Variants in GRAMD1B observed in about 807,000 individuals in gnomAD.
The protein encoded by GRAMD1B is GRAM domain containing 1B, also known as protein Aster-B.
A neutral mutation model predicts 99.7 loss-of-function variants in GRAMD1B; 37 were observed. The observed-to-expected ratio is 0.37, with a 90% confidence interval of 0.29 to 0.49. GRAMD1B has a LOEUF of 0.49. GRAMD1B is among the 20% of genes least tolerant of loss of function. The pLI is 0.98. For missense variants in GRAMD1B, 888 were observed against 1,009.2 expected, an observed-to-expected ratio of 0.88 and a Z score of 1.63; for synonymous variants, 427 against 387.6, an observed-to-expected ratio of 1.10 and a Z score of -1.19.
intron 2 of GRAMD1B, among the ~76,000 whole-genome samples, chr11:123,528,013 G>A (rs1942973187): frequency 1.3e-5 from 2 of 152,206 alleles, no homozygotes; most frequent in South Asian, 4.1e-4. Flanking sequence ...ATGGGAAAAT[G>A]TTGTCATTTA....
intron 1 of GRAMD1B, among the ~76,000 whole-genome samples, chr11:123,383,630 G>A (rs1426454294): frequency 1.3e-5 from 2 of 151,844 alleles, no homozygotes; most frequent in African/African-American, 2.4e-5. Context: ...TTTGCTTCAC[G>A]AATTCCTTCT....
intron 1 of GRAMD1B, among the ~76,000 whole-genome samples, chr11:123,416,182 T>C (rs190053042): frequency 6.6e-5 from 10 of 152,328 alleles, no homozygotes; most frequent in Admixed American, 5.9e-4. Flanking sequence ...TTACAGTACA[T>C]TGAATTAGCT....
chr11:123,586,410 A>G (rs912304650), intron 4 of GRAMD1B, among the ~76,000 whole-genome samples: 1 of 152,154 alleles, frequency 6.6e-6, no homozygotes, highest in South Asian at 2.1e-4. Flanking sequence ...TCCCAAGTGC[A>G]TTACAGAAAC....
chr11:123,419,133 A>C (rs1591480363), intron 1 of GRAMD1B, among the ~76,000 whole-genome samples: 1 of 152,222 alleles, frequency 6.6e-6, no homozygotes, highest in East Asian at 1.9e-4. Context: ...AGGAAAAGAC[A>C]TCATAAAAGG....
At chr11:123,552,338 C>G (rs1945708746) in intron 2 of GRAMD1B, among the ~76,000 whole-genome samples, 1 of 143,506 alleles carries the variant, frequency 7.0e-6, no homozygotes, top group Non-Finnish European at 1.5e-5. Context: ...GTCACCCAGG[C>G]TGGAGTGTAG....
In GRAMD1B at chr11:123,510,065, C is replaced by T. The variant is rs1940830216; in HGVS notation, c.452+29172C>T. On this transcript the variant is annotated intron_variant, in intron 2 of 19. Coordinates refer to ENST00000635736, the MANE Select transcript of GRAMD1B (RefSeq NM_001387025.1). This position sits in a 1 kb window ranked among gnomAD's most constrained non-coding sequence, Gnocchi z 4.3. ...GAGTGGCTTCACCGGGCGAATTTCT[C>T]TCCTTTTGCATTCTCCACCTTGCCG... The T allele has an allele frequency of 6.6e-6, 1 of 152,382 alleles. No individual in the cohort carries two copies. The highest frequency in any genetic ancestry group is 1.5e-5 in the Non-Finnish European group (1 of 68,178). 9.4% of individuals were successfully genotyped at this position (152,382 alleles called of 1,614,324 possible). A position where few individuals can be genotyped will look rare whatever the true frequency, so the allele number is the denominator to read the frequency against.
intron 17 of GRAMD1B, among the ~76,000 whole-genome samples, chr11:123,615,270 G>T (rs1954197686): frequency 6.6e-6 from 1 of 152,222 alleles, no homozygotes; most frequent in South Asian, 2.1e-4. Flanking sequence ...CCACACGTTG[G>T]CAGGGTAGCC....
chr11:123,541,941 T>C (rs886388199), intron 2 of GRAMD1B, among the ~76,000 whole-genome samples: 2 of 152,214 alleles, frequency 1.3e-5, no homozygotes, highest in Non-Finnish European at 2.9e-5. Context: ...ATCATGGAAT[T>C]AGAGGGGACT....
intron 2 of GRAMD1B, among the ~76,000 whole-genome samples, chr11:123,521,374 A>G (rs1439079703): frequency 6.6e-6 from 1 of 152,130 alleles, no homozygotes. Context: ...GTCTATTTTT[A>G]GAATTATCTT....
intron 1 of GRAMD1B, among the ~76,000 whole-genome samples, chr11:123,468,795 CAAA>C (rs11446671): frequency 6.1e-5 from 6 of 97,992 alleles, no homozygotes; most frequent in Admixed American, 1.2e-4. Flanking sequence ...GACCCTGTAT[CAAA>C]AAAAAAAAAA....
intron 1 of GRAMD1B, among the ~76,000 whole-genome samples, chr11:123,440,227 G>A (rs1035123634): frequency 1.3e-5 from 2 of 152,124 alleles, no homozygotes; most frequent in Admixed American, 1.3e-4. Context: ...AAAAGTCAAC[G>A]CGGCCAGATG....
In GRAMD1B at chr11:123,614,604, G is replaced by GT. The variant is rs1179178511; in HGVS notation, c.2228-140dup. Reference sequence around the variant, plus strand: ...ACCTTCTCCTCTTGGAGAGCTGGCAGTCTCCGCATATCGTTGCTGTCACAG... The same window carrying GT: ...ACCTTCTCCTCTTGGAGAGCTGGCAGTTCTCCGCATATCGTTGCTGTCACAG... On this transcript the variant is annotated intron_variant, in intron 16 of 19. Transcript: ENST00000635736. The GT allele has an allele frequency of 7.1e-6, 4 of 565,018 alleles. No individual in the cohort carries two copies. The African/African-American group carries it at 7.4e-5, about 11-fold the overall frequency. 35.0% of individuals were successfully genotyped at this position (565,018 alleles called of 1,614,324 possible).
chr11:123,378,198 G>A (rs572575413), intron 1 of GRAMD1B, among the ~76,000 whole-genome samples: 74 of 152,322 alleles, frequency 4.9e-4, no homozygotes, highest in African/African-American at 1.7e-3. Context: ...TACCAAGACC[G>A]TGGAATTAGT....
intron 1 of GRAMD1B, among the ~76,000 whole-genome samples, chr11:123,371,570 C>G (rs1043988787): frequency 1.3e-5 from 2 of 152,316 alleles, no homozygotes; most frequent in African/African-American, 4.8e-5. Flanking sequence ...CCCCATACCT[C>G]CACTCCAGCC....
chr11:123,358,508 C>A (rs1946031365), exon 1 of GRAMD1B: 2 of 152,146 alleles, frequency 1.3e-5, no homozygotes, highest in Non-Finnish European at 2.9e-5. Context: ...CAGCGGCTCC[C>A]GCCCCGCCTG....
At chr11:123,558,235 C>T (rs1946362533) in intron 2 of GRAMD1B, among the ~76,000 whole-genome samples, 2 of 152,100 alleles carry the variant, frequency 1.3e-5, no homozygotes. Flanking sequence ...TCACCCGCCT[C>T]TCCCTCCCAA....
Position 123,366,341 on chromosome 11 carries a change from G to A in GRAMD1B, c.-176+7542G>A, listed in dbSNP as rs1019468919. ...TTTAGAGTGTTGGCCCAACTGTGAT[G>A]AGGCTAGAGGACTTATAAAATTAGG... On this transcript the variant is annotated intron_variant, in intron 1 of 20. Transcript: ENST00000638157. 1.2e-4 allele frequency among the ~76,000 whole-genome samples: 18 copies of A among 152,348 alleles called. No individual in the cohort carries two copies. The East Asian group carries it at 3.5e-3, about 29-fold the overall frequency.
rs532219957 is a variant in GRAMD1B at position 123,511,363 on chromosome 11, C to G, written c.452+30470C>G. Reference sequence around the variant, plus strand: ...GGATGCCCCAATGGCAGTGCGGGCCCGGGCACCTCCAGGGAATGGGGCCTG... The same window carrying G: ...GGATGCCCCAATGGCAGTGCGGGCCGGGGCACCTCCAGGGAATGGGGCCTG... On this transcript the variant is annotated intron_variant, in intron 2 of 19. Coordinates refer to ENST00000635736, the MANE Select transcript of GRAMD1B (RefSeq NM_001387025.1). Among the ~76,000 whole-genome samples, 399 of 152,252 alleles carry G rather than the reference C, an allele frequency of 2.6e-3. 2 individuals carry two copies. The highest frequency in any genetic ancestry group is 9.2e-3 in the African/African-American group (382 of 41,556).
chr11:123,543,288 C>T (rs1362997126), intron 2 of GRAMD1B, among the ~76,000 whole-genome samples: 1 of 152,156 alleles, frequency 6.6e-6, no homozygotes, highest in Non-Finnish European at 1.5e-5. Context: ...TAGGCACTCC[C>T]CTATTTAACT....
Sources: gnomAD v4.1 joint callset for allele counts (sites outside exome capture counted in the v4.1 genomes callset) on GRCh38, gnomAD v4.1.1 for gene constraint, Gnocchi (gnomAD v3.1) non-coding constraint, MANE v1.5 for transcripts, NCBI Gene and HGNC (gene_info 2026-07-23, HGNC 2026-07-21) for gene names.